The following SLC17A1 variants were observed in gnomAD, a reference collection of about 807,000 sequenced individuals.
SLC17A1 encodes the protein sodium-dependent phosphate transport protein 1.
SLC17A1 carries 51 observed loss-of-function variants against 53.5 expected under a neutral mutation model. The ratio of observed to expected loss-of-function variants is 0.95; its 90% CI spans 0.76 to 1.20. The LOEUF (loss-of-function observed/expected upper bound fraction) is 1.20. SLC17A1 is among the 50% of genes most tolerant of loss of function. The pLI is 0.00. For missense variants in SLC17A1, 538 were observed against 568.2 expected (o/e 0.95, Z 0.54); for synonymous variants, 179 against 198.8 (o/e 0.90, Z 0.84).
At chr6:25,790,766 A>G (rs890085129) in intron 12 of SLC17A1, among the ~76,000 whole-genome samples, 4 of 152,196 alleles carry the variant, frequency 2.6e-5, no homozygotes, top group Non-Finnish European at 5.9e-5. Flanking sequence ...TTGTTTAAGA[A>G]TATGCCTAGA....
chr6:25,767,175 T>G, the SLC17A1 span, among the ~76,000 whole-genome samples: 1 of 152,126 alleles, frequency 6.6e-6, no homozygotes, highest in African/African-American at 2.4e-5. Context: ...CTTATAACTT[T>G]TAAAAAAGAA....
At chr6:25,796,703 A>C (rs375049249) in intron 12 of SLC17A1, among the ~76,000 whole-genome samples, 5 of 152,212 alleles carry the variant, frequency 3.3e-5, no homozygotes, top group East Asian at 3.8e-4. Flanking sequence ...ATTTATTAAT[A>C]AATTTTCCAG....
chr6:25,760,323 C>T, the SLC17A1 span, among the ~76,000 whole-genome samples: 1 of 152,080 alleles, frequency 6.6e-6, no homozygotes. Flanking sequence ...AAATGCTACT[C>T]CATATCTGAT....
rs375502000 is a variant in SLC17A1 at position 25,812,975 on chromosome 6, T to C, written c.753A>G (p.Gln251=). The C allele has an allele frequency of 2.4e-5, 38 of 1,613,860 alleles. No individual in the cohort carries two copies. The highest frequency in any genetic ancestry group is 1.3e-5 in the African/African-American group (1 of 74,892). ...TAAGTATAGCCTTGATAGGCAGAGA[T>C]TGTCTACTTGAACTGACCTGGAGAG... ...SLVQQVSSSR[Q]SLPIKAILKS... is the part of the protein sequence containing the mutation. The change falls in exon 8 of 13, where the codon CAA becomes CAG. Residue 251 remains glutamine (Q), a synonymous_variant. Transcript: ENST00000244527.
chr6:25,823,235 T>A (rs1764625396), intron 3 of SLC17A1, among the ~76,000 whole-genome samples: 1 of 152,196 alleles, frequency 6.6e-6, no homozygotes, highest in South Asian at 2.1e-4. Context: ...TTCCAGTTTT[T>A]TGGCTATCAG....
chr6:25,733,800 G>GTGTA, the SLC17A1 span, among the ~76,000 whole-genome samples: 13 of 103,496 alleles, frequency 1.3e-4, no homozygotes, highest in East Asian at 4.6e-4. Context: ...GTGTGTGTGT[G>GTGTA]TGTGTATGTG....
the SLC17A1 span, among the ~76,000 whole-genome samples, chr6:25,765,069 G>T: frequency 6.6e-6 from 1 of 152,168 alleles, no homozygotes; most frequent in Admixed American, 6.5e-5. Flanking sequence ...CTGTGCAGGG[G>T]TTTCAAAATG....
the SLC17A1 span, chr6:25,726,538 C>T: frequency 6.3e-7 from 1 of 1,599,170 alleles, no homozygotes; most frequent in South Asian, 1.1e-5. Flanking sequence ...CTCCTCGCAT[C>T]AAATTGCAGC....
chr6:25,775,269 T>A, the SLC17A1 span, among the ~76,000 whole-genome samples: 1 of 151,482 alleles, frequency 6.6e-6, no homozygotes, highest in African/African-American at 2.4e-5. Flanking sequence ...GAGGTGGAGG[T>A]TTCAGTGAGC....
At chr6:25,790,118 G>A (rs1479533643) in intron 12 of SLC17A1, among the ~76,000 whole-genome samples, 2 of 152,006 alleles carry the variant, frequency 1.3e-5, no homozygotes, top group Non-Finnish European at 2.9e-5. Context: ...GGGAAGGTAG[G>A]AGATAAAAAA....
At chr6:25,763,878 G>A in the SLC17A1 span, among the ~76,000 whole-genome samples, 3 of 152,172 alleles carry the variant, frequency 2.0e-5, no homozygotes, top group Non-Finnish European at 2.9e-5. Context: ...TTCTGTATCA[G>A]TCAGGGTTAT....
At chr6:25,827,590 C>A (rs887849339) in intron 2 of SLC17A1, among the ~76,000 whole-genome samples, 4 of 152,048 alleles carry the variant, frequency 2.6e-5, no homozygotes, top group Non-Finnish European at 4.4e-5. Flanking sequence ...ATGTTGAATC[C>A]CTCTCACACT....
chr6:25,796,445 A>T (rs1763604760), intron 12 of SLC17A1, among the ~76,000 whole-genome samples: 1 of 151,890 alleles, frequency 6.6e-6, no homozygotes, highest in Admixed American at 6.6e-5. Context: ...TGACGCTATC[A>T]ATTTTCCTCC....
chr6:25,830,502 A>G (rs1764907427), intron 2 of SLC17A1, 22 bp downstream of exon 2: 2 of 1,568,342 alleles, frequency 1.3e-6, no homozygotes, highest in African/African-American at 2.7e-5. Context: ...CACCTGTTTA[A>G]TGGAACAGAA....
the SLC17A1 span, chr6:25,773,277 G>A: frequency 2.7e-5 from 44 of 1,612,974 alleles, no homozygotes; most frequent in Middle Eastern, 1.6e-4. Context: ...TTTCCTAGGA[G>A]GAATTGGCTG....
At chr6:25,786,913 T>C (rs1373984506) in intron 12 of SLC17A1, among the ~76,000 whole-genome samples, 2 of 152,182 alleles carry the variant, frequency 1.3e-5, no homozygotes, top group African/African-American at 4.8e-5. Context: ...AGGAGTCTTG[T>C]ATGTGTATGA....
At chr6:25,728,392 A>G in the SLC17A1 span, among the ~76,000 whole-genome samples, 1 of 152,222 alleles carries the variant, frequency 6.6e-6, no homozygotes, top group African/African-American at 2.4e-5. Context: ...CAGCCACCTT[A>G]AAAATGGATC....
At chr6:25,748,536 G>A in the SLC17A1 span, among the ~76,000 whole-genome samples, 1 of 152,146 alleles carries the variant, frequency 6.6e-6, no homozygotes, top group Non-Finnish European at 1.5e-5. Context: ...CAGGTGGGAC[G>A]AGAGACTGAG....
chr6:25,745,275 T>C, the SLC17A1 span, among the ~76,000 whole-genome samples: 1 of 152,294 alleles, frequency 6.6e-6, no homozygotes, highest in South Asian at 2.1e-4. Context: ...GAAATGTTAG[T>C]GGAAGTTTTT....
Sources: allele counts gnomAD v4.1 joint callset (sites outside exome capture counted in the v4.1 genomes callset), GRCh38; gene constraint gnomAD v4.1.1; transcripts MANE v1.5; gene names NCBI Gene and HGNC (gene_info 2026-07-23, HGNC 2026-07-21).